Variants in ERICH6B observed in about 807,000 individuals in gnomAD.
The protein encoded by ERICH6B is glutamate-rich protein 6B.
In ERICH6B, 69 loss-of-function variants were observed where a neutral mutation model predicts 80.0. The ratio of observed to expected loss-of-function variants is 0.86; its 90% CI spans 0.71 to 1.05. The LOEUF (loss-of-function observed/expected upper bound fraction) is 1.05, where lower values mean the gene tolerates loss of function less well. Among genes scored for constraint, ERICH6B ranks in the 50% least tolerant of loss-of-function variants. ERICH6B has a pLI of 0.00. For synonymous variants in ERICH6B, 283 were observed against 291.9 expected (o/e 0.97, Z 0.31); for missense variants, 754 against 796.1 (o/e 0.95, Z 0.64).
intron 9 of ERICH6B, among the ~76,000 whole-genome samples, chr13:45,564,844 G>T (rs1434183590): frequency 6.6e-6 from 1 of 152,174 alleles, no homozygotes; most frequent in African/African-American, 2.4e-5. Context: ...TCCAGTGAGG[G>T]GATCTAGCCA....
intron 2 of ERICH6B, among the ~76,000 whole-genome samples, chr13:45,601,471 C>T (rs1949826767): frequency 6.6e-6 from 1 of 152,114 alleles, no homozygotes; most frequent in Admixed American, 6.5e-5. Flanking sequence ...TCCAGCCCTC[C>T]CCTGGGAGAG....
At chr13:45,577,206 G>A (rs1238499905) in intron 7 of ERICH6B, among the ~76,000 whole-genome samples, 1 of 150,208 alleles carries the variant, frequency 6.7e-6, no homozygotes, top group Non-Finnish European at 1.5e-5. Context: ...CAGTGCTAAT[G>A]TAGGTCAATG....
At chr13:45,554,348 T>A (rs761789911) in intron 11 of ERICH6B, among the ~76,000 whole-genome samples, 181 of 152,350 alleles carry the variant, frequency 1.2e-3, no homozygotes, top group Non-Finnish European at 2.2e-3. Context: ...AGACCACGTT[T>A]TCCTTTTTCA....
intron 14 of ERICH6B, among the ~76,000 whole-genome samples, 165 bp downstream of exon 14, chr13:45,544,595 T>C (rs1406519669): frequency 6.6e-6 from 1 of 152,166 alleles, no homozygotes; most frequent in Non-Finnish European, 1.5e-5. Context: ...AATGTATTTG[T>C]GTGTACTTAA....
At chr13:45,573,427 C>A (rs565892359) in intron 8 of ERICH6B, among the ~76,000 whole-genome samples, 2 of 152,256 alleles carry the variant, frequency 1.3e-5, no homozygotes, top group East Asian at 3.9e-4. Flanking sequence ...GCAGTTATTT[C>A]ATTAAGGAAC....
At chr13:45,595,679 C>CTTTTT (rs760500009) in intron 3 of ERICH6B, among the ~76,000 whole-genome samples, 1 of 136,020 alleles carries the variant, frequency 7.4e-6, no homozygotes, top group South Asian at 2.3e-4. Context: ...TCTTCTCTCT[C>CTTTTT]TTTTTTTTTT....
In ERICH6B at chr13:45,549,967, A is replaced by G; in HGVS notation, c.1572T>C (p.Ser524=). 1 of 1,551,762 alleles carries G rather than the reference A, an allele frequency of 6.4e-7. No individual in the cohort carries two copies. The highest frequency in any genetic ancestry group is 8.7e-7 in the Non-Finnish European group (1 of 1,147,014). ...KKFTYIILED[S]LEGRIRALIN... ...TAAGGGCCCGGATCCTCCCTTCTAG[A>G]CTGTCTTCCAGAATGATGTATGTGA... The change falls in exon 13 of 15, where the codon AGT becomes AGC. Residue 524 remains serine, a synonymous_variant. Coordinates refer to ENST00000298738, the MANE Select transcript of ERICH6B (RefSeq NM_182542.3).
At position 45,596,299 on chromosome 13, in the gene ERICH6B, T is replaced by C. The variant is rs903129103; in HGVS notation, c.637+70A>G. The C allele has an allele frequency of 6.8e-6, 10 of 1,465,624 alleles. No individual in the cohort carries two copies. The African/African-American group carries it at 7.1e-5, about 10-fold the overall frequency. 90.8% of individuals were successfully genotyped at this position (1,465,624 alleles called of 1,614,324 possible). A position where few individuals can be genotyped will look rare whatever the true frequency, so the allele number is the denominator to read the frequency against. On this transcript the variant is annotated intron_variant, in intron 3 of 14. Coordinates refer to ENST00000298738, the MANE Select transcript of ERICH6B (RefSeq NM_182542.3). ...ACTCATCCCTTTCCAGATACTCTTC[T>C]TCATCCAACCTTCTTTCCCTTTCAG...
At chr13:45,561,610 C>A in intron 10 of ERICH6B, 84 bp from the exon 11 acceptor site, 2 of 1,464,016 alleles carry the variant, frequency 1.4e-6, no homozygotes, top group Non-Finnish European at 1.8e-6. Flanking sequence ...CTCAAGGTGC[C>A]AAAGGGAGTT....
intron 7 of ERICH6B, among the ~76,000 whole-genome samples, 188 bp from the exon 8 acceptor site, chr13:45,575,118 C>A (rs994133175): frequency 6.6e-6 from 1 of 152,088 alleles, no homozygotes; most frequent in African/African-American, 2.4e-5. Context: ...GGGATACTAA[C>A]AAAATAGGAA....
intron 1 of ERICH6B, among the ~76,000 whole-genome samples, chr13:45,610,482 C>T (rs1175046130): frequency 1.3e-5 from 2 of 152,156 alleles, no homozygotes; most frequent in Non-Finnish European, 2.9e-5. Context: ...GCCAGCCTCA[C>T]GTCAATTAGA....
chr13:45,570,104 T>C (rs969343838), intron 8 of ERICH6B, among the ~76,000 whole-genome samples: 2 of 152,336 alleles, frequency 1.3e-5, no homozygotes, highest in East Asian at 1.9e-4. Flanking sequence ...GCAGCCAGCA[T>C]ATGTGACGTC....
intron 2 of ERICH6B, among the ~76,000 whole-genome samples, chr13:45,600,697 C>CT (rs1949822197): frequency 6.6e-6 from 1 of 152,214 alleles, no homozygotes; most frequent in African/African-American, 2.4e-5. Flanking sequence ...TCTTTTATGA[C>CT]TGCACAGTAT....
At chr13:45,561,688 C>T (rs1025916545) in intron 10 of ERICH6B, among the ~76,000 whole-genome samples, 162 bp from the exon 11 acceptor site, 2 of 152,114 alleles carry the variant, frequency 1.3e-5, no homozygotes, top group African/African-American at 2.4e-5. Context: ...AAGATTAAGG[C>T]CTTTGAAGAG....
intron 1 of ERICH6B, among the ~76,000 whole-genome samples, chr13:45,613,211 A>C (rs1370055239): frequency 6.6e-6 from 1 of 152,170 alleles, no homozygotes; most frequent in Non-Finnish European, 1.5e-5. Flanking sequence ...AAGGCTACAG[A>C]GTTCTGGGAA....
At chr13:45,599,916 C>T (rs1297756006) in intron 2 of ERICH6B, among the ~76,000 whole-genome samples, 1 of 152,218 alleles carries the variant, frequency 6.6e-6, no homozygotes, top group Non-Finnish European at 1.5e-5. Flanking sequence ...GCTGTGCCTG[C>T]AGTTGGCTTG....
At chr13:45,557,513 T>C (rs988544078) in intron 11 of ERICH6B, among the ~76,000 whole-genome samples, 1 of 152,220 alleles carries the variant, frequency 6.6e-6, no homozygotes, top group African/African-American at 2.4e-5. Context: ...CCTAAGCCAA[T>C]GTCTAGAAAA....
chr13:45,585,385 C>A (rs1875856946), intron 5 of ERICH6B, among the ~76,000 whole-genome samples: 1 of 152,120 alleles, frequency 6.6e-6, no homozygotes, highest in Non-Finnish European at 1.5e-5. Flanking sequence ...CATTCTTTGT[C>A]CCTCTTTGTC....
chr13:45,558,628 A>G (rs1874534412), intron 11 of ERICH6B, among the ~76,000 whole-genome samples: 1 of 152,112 alleles, frequency 6.6e-6, no homozygotes, highest in Admixed American at 6.6e-5. Flanking sequence ...TTTTGCTGAG[A>G]GTTTTAATTA....
Sources: allele counts gnomAD v4.1 joint callset (sites outside exome capture counted in the v4.1 genomes callset), GRCh38; gene constraint gnomAD v4.1.1; transcripts MANE v1.5; gene names NCBI Gene and HGNC (gene_info 2026-07-23, HGNC 2026-07-21).